LAMA2: variants seen among roughly 807,000 people sequenced by gnomAD.
LAMA2 encodes laminin subunit alpha 2.
In LAMA2, 269 loss-of-function variants were observed where a neutral mutation model predicts 364.8. That is an observed-to-expected ratio of 0.74 (90% CI 0.67 to 0.82). The LOEUF (loss-of-function observed/expected upper bound fraction) is 0.82, where lower values mean the gene tolerates loss of function less well. Ranked by LOEUF, LAMA2 falls within the 40% of genes least tolerant of loss-of-function variation. The pLI is 0.00. For synonymous variants in LAMA2, 1,379 were observed against 1,370.6 expected, an observed-to-expected ratio of 1.01 and a Z score of -0.14; for missense variants, 3,807 against 3,873.2, an observed-to-expected ratio of 0.98 and a Z score of 0.45.
chr6:129,256,885 A>G (rs1179121117), intron 14 of LAMA2, among the ~76,000 whole-genome samples: 4 of 148,568 alleles, frequency 2.7e-5, no homozygotes, highest in African/African-American at 7.4e-5. Flanking sequence ...TTTTAGTGTA[A>G]TATAGCATAT....
intron 1 of LAMA2, among the ~76,000 whole-genome samples, chr6:129,018,387 TAAATA>T (rs920621117): frequency 3.5e-4 from 53 of 151,950 alleles, no homozygotes; most frequent in African/African-American, 1.3e-3. Flanking sequence ...ACTCAGGTCT[TAAATA>T]AAAAGGAAGA....
intron 56 of LAMA2, among the ~76,000 whole-genome samples, chr6:129,489,457 T>C (rs1005051823): frequency 2.0e-5 from 3 of 152,324 alleles, no homozygotes; most frequent in African/African-American, 7.2e-5. Context: ...TGTCCTCTGA[T>C]CCTTCTCCTG....
chr6:129,210,564 G>T (rs1783029281), intron 12 of LAMA2, among the ~76,000 whole-genome samples: 1 of 152,068 alleles, frequency 6.6e-6, no homozygotes, highest in Admixed American at 6.6e-5. Context: ...ATTGCGTGAG[G>T]ATTGAAGATA....
At chr6:128,926,227 T>A (rs887423998) in intron 1 of LAMA2, among the ~76,000 whole-genome samples, 13 of 152,098 alleles carry the variant, frequency 8.5e-5, no homozygotes, top group African/African-American at 3.1e-4. Context: ...AACTCTGAGT[T>A]TTCTGAGTTT....
At chr6:129,508,420 T>TA (rs902908310) in intron 62 of LAMA2, among the ~76,000 whole-genome samples, 69 of 84,896 alleles carry the variant, frequency 8.1e-4, no homozygotes, top group Admixed American at 2.3e-3. Flanking sequence ...GTACAATTAT[T>TA]TTTTTTTTTT....
intron 2 of LAMA2, among the ~76,000 whole-genome samples, chr6:129,059,525 A>G (rs951806773): frequency 6.6e-6 from 1 of 152,172 alleles, no homozygotes; most frequent in Non-Finnish European, 1.5e-5. Context: ...ATTTTGGTTA[A>G]TGGCCAGAGT....
chr6:128,926,764 T>A (rs976168693), intron 1 of LAMA2, among the ~76,000 whole-genome samples: 2 of 152,204 alleles, frequency 1.3e-5, no homozygotes, highest in African/African-American at 4.8e-5. Flanking sequence ...AAAGACCACT[T>A]TTCCAATTAG....
chr6:129,208,824 G>A (rs1244941040), intron 12 of LAMA2, among the ~76,000 whole-genome samples: 1 of 152,012 alleles, frequency 6.6e-6, no homozygotes, highest in African/African-American at 2.4e-5. Flanking sequence ...AGCAGGAAAG[G>A]AAAAAGAATA....
rs561236773 is a variant in LAMA2, at chr6:129,203,422, G to A, written c.1782+10569G>A. On this transcript the variant is annotated intron_variant, in intron 12 of 64. Coordinates refer to ENST00000421865, the MANE Select transcript of LAMA2 (RefSeq NM_000426.4). The stretch of plus-strand genomic sequence containing the variant: ...TCAGACCCACCCCTTGTGGTTGAGT[G>A]AGGCAGTATTATGTCAATTCTAAAC... Among the ~76,000 whole-genome samples, 4 of 152,350 alleles carry A rather than the reference G, an allele frequency of 2.6e-5. No individual in the cohort carries two copies. The South Asian group carries it at 8.3e-4, about 32-fold the overall frequency.
intron 40 of LAMA2, among the ~76,000 whole-genome samples, chr6:129,424,975 A>G (rs1781255453): frequency 6.6e-6 from 1 of 151,768 alleles, no homozygotes; most frequent in Non-Finnish European, 1.5e-5. Flanking sequence ...CACACACAAC[A>G]TAGATAAATG....
intron 57 of LAMA2, 96 bp downstream of exon 57, chr6:129,492,173 G>A: frequency 7.2e-7 from 1 of 1,397,990 alleles, no homozygotes; most frequent in Non-Finnish European, 1.0e-6. Flanking sequence ...GCTATGCAGG[G>A]GAGGAGGGAA....
chr6:129,200,419 C>CACGTATACACATATACAT (rs1782194260), intron 12 of LAMA2, among the ~76,000 whole-genome samples: 5 of 144,932 alleles, frequency 3.4e-5, no homozygotes, highest in Non-Finnish European at 7.6e-5. Context: ...TATACATATA[C>CACGTATACACATATACAT]GTGTATATGT....
At chr6:128,909,545 G>T (rs1417625543) in intron 1 of LAMA2, among the ~76,000 whole-genome samples, 1 of 148,052 alleles carries the variant, frequency 6.8e-6, no homozygotes, top group African/African-American at 2.5e-5. Context: ...CACGTGAGAT[G>T]GGTTTCCTGA....
chr6:129,393,361 A>T, intron 37 of LAMA2, 106 bp downstream of exon 37: 2 of 851,424 alleles, frequency 2.3e-6, no homozygotes, highest in Non-Finnish European at 3.9e-6. Flanking sequence ...TACAAAAGTC[A>T]AGAGTGACAA....
intron 23 of LAMA2, among the ~76,000 whole-genome samples, 172 bp from the exon 24 acceptor site, chr6:129,314,483 C>T (rs1362728788): frequency 6.6e-5 from 10 of 151,366 alleles, no homozygotes; most frequent in Non-Finnish European, 1.5e-4. Context: ...CCATGAACTC[C>T]TAACAATGAG....
intron 1 of LAMA2, among the ~76,000 whole-genome samples, chr6:128,910,621 C>A (rs1204532932): frequency 6.6e-6 from 1 of 152,200 alleles, no homozygotes; most frequent in Non-Finnish European, 1.5e-5. Context: ...TCATCTGAAG[C>A]CTTCTTCTCT....
At chr6:129,228,817 C>G (rs548475666) in intron 12 of LAMA2, among the ~76,000 whole-genome samples, 8 of 152,180 alleles carry the variant, frequency 5.3e-5, no homozygotes, top group Non-Finnish European at 1.0e-4. Flanking sequence ...TCTAACTGTC[C>G]TGATGGATTC....
intron 32 of LAMA2, among the ~76,000 whole-genome samples, chr6:129,356,369 G>C (rs937475349): frequency 6.6e-6 from 1 of 151,872 alleles, no homozygotes; most frequent in East Asian, 1.9e-4. Flanking sequence ...TACCACACAG[G>C]GTTCATCATA....
rs150412195 is a variant in LAMA2 at position 129,110,101 on chromosome 6, C to A, written c.639+11686C>A. Among the ~76,000 whole-genome samples the A allele has an allele frequency of 9.9e-5, 14 of 141,390 alleles. No individual in the cohort carries two copies. In the East Asian group the frequency reaches 1.0e-3, roughly 10 times the overall value. 92.8% of individuals were successfully genotyped at this position (141,390 alleles called of 152,430 possible). A position where few individuals can be genotyped will look rare whatever the true frequency, so the allele number is the denominator to read the frequency against. On this transcript the variant is annotated intron_variant, in intron 4 of 64. Coordinates refer to ENST00000421865, the MANE Select transcript of LAMA2 (RefSeq NM_000426.4). Reference sequence around the variant, plus strand: ...ACACAAGCATTTAAATATGCTAGCACCTTATTGCAAAAAAAAAAAAGTTCT... The same window carrying A: ...ACACAAGCATTTAAATATGCTAGCAACTTATTGCAAAAAAAAAAAAGTTCT...
Sources: gnomAD v4.1 joint callset for allele counts (sites outside exome capture counted in the v4.1 genomes callset) on GRCh38, gnomAD v4.1.1 for gene constraint, MANE v1.5 for transcripts, NCBI Gene and HGNC (gene_info 2026-07-23, HGNC 2026-07-21) for gene names.